The following ADAMTSL1 variants were observed in gnomAD, a reference collection of about 807,000 sequenced individuals.
The protein encoded by ADAMTSL1 is ADAMTS-like protein 1.
ADAMTSL1 carries 126 observed loss-of-function variants against 201.8 expected under a neutral mutation model. The ratio of observed to expected loss-of-function variants is 0.62; its 90% CI spans 0.54 to 0.72. ADAMTSL1 has a LOEUF of 0.72. Ranked by LOEUF, ADAMTSL1 falls within the 30% of genes least tolerant of loss-of-function variation. ADAMTSL1 has a pLI of 0.00. For synonymous variants in ADAMTSL1, 1,121 were observed against 903.4 expected, an observed-to-expected ratio of 1.24 and a Z score of -4.32; for missense variants, 2,679 against 2,277.8, an observed-to-expected ratio of 1.18 and a Z score of -3.59.
chr9:18,312,545 C>A (rs537208313), intron 2 of ADAMTSL1, among the ~76,000 whole-genome samples: 12 of 152,276 alleles, frequency 7.9e-5, no homozygotes, highest in African/African-American at 2.6e-4. Flanking sequence ...CATAACTTCA[C>A]CTGAGGTAGC....
At chr9:18,631,041 A>T (rs1271179494) in intron 5 of ADAMTSL1, among the ~76,000 whole-genome samples, 1 of 152,230 alleles carries the variant, frequency 6.6e-6, no homozygotes, top group Non-Finnish European at 1.5e-5. Context: ...CTATGTCAGG[A>T]TTATCGCCTG....
chr9:18,782,961 C>T (rs1467872008), intron 19 of ADAMTSL1, among the ~76,000 whole-genome samples: 11 of 152,088 alleles, frequency 7.2e-5, no homozygotes, highest in Non-Finnish European at 1.6e-4. Flanking sequence ...GGAAGGGGTT[C>T]GGGTTTTACA....
At position 18,613,833 on chromosome 9, in the gene ADAMTSL1, G is replaced by T. The variant is rs181525508; in HGVS notation, c.475-8410G>T. 1.3e-4 allele frequency among the ~76,000 whole-genome samples: 20 copies of T among 152,122 alleles called. 1 individual carries two copies. In the East Asian group the frequency reaches 3.9e-3, roughly 29 times the overall value. ...ATCTGTACAATATAGCCCACGACAC[G>T]CATATACCTATGTAACAAAGCTGCA... On this transcript the variant is annotated intron_variant, in intron 4 of 28. Coordinates refer to ENST00000380548, the MANE Select transcript of ADAMTSL1 (RefSeq NM_001040272.6).
At chr9:18,115,376 G>A (rs1452647289) in intron 1 of ADAMTSL1, among the ~76,000 whole-genome samples, 3 of 152,122 alleles carry the variant, frequency 2.0e-5, no homozygotes, top group Admixed American at 6.6e-5. Flanking sequence ...GACCTGGCAT[G>A]CCTCAGAAAC....
chr9:18,591,798 C>T (rs1162421179), intron 4 of ADAMTSL1, among the ~76,000 whole-genome samples: 4 of 152,136 alleles, frequency 2.6e-5, no homozygotes. Flanking sequence ...CATAAAAATT[C>T]ATGCTTCAGG....
intron 2 of ADAMTSL1, among the ~76,000 whole-genome samples, chr9:18,421,316 C>T (rs1191829878): frequency 6.6e-6 from 1 of 152,004 alleles, no homozygotes; most frequent in African/African-American, 2.4e-5. Context: ...ATTTATTGAA[C>T]ACCTATTTTA....
In ADAMTSL1 at chr9:18,183,706, G is replaced by A. The variant is rs376019341; in HGVS notation, c.207+19725G>A. On this transcript the variant is annotated intron_variant, in intron 2 of 29. Coordinates refer to the ADAMTSL1 transcript ENST00000680146. ...CTATTAGAATGGTCAAAATCCAAAC[G>A]CTGACATCATGCCACTCTAACTTAT... is the stretch of plus-strand genomic sequence containing the variant. Among the ~76,000 whole-genome samples the A allele has an allele frequency of 8.5e-5, 13 of 152,112 alleles. No individual in the cohort carries two copies. The East Asian group carries it at 1.4e-3, about 16-fold the overall frequency.
chr9:18,765,311 G>A (rs1012506977), intron 16 of ADAMTSL1, among the ~76,000 whole-genome samples: 5 of 152,184 alleles, frequency 3.3e-5, no homozygotes, highest in African/African-American at 1.2e-4. Flanking sequence ...AACTTTGGGA[G>A]CATGTTCTTT....
intron 4 of ADAMTSL1, among the ~76,000 whole-genome samples, chr9:18,597,911 C>T (rs1824370662): frequency 6.6e-6 from 1 of 152,158 alleles, no homozygotes; most frequent in Non-Finnish European, 1.5e-5. Context: ...CAGGAAAATC[C>T]ACCCAGGCCC....
intron 1 of ADAMTSL1, among the ~76,000 whole-genome samples, chr9:18,110,675 G>GGAGA (rs1340173917): frequency 6.6e-6 from 1 of 152,118 alleles, no homozygotes; most frequent in East Asian, 1.9e-4. Context: ...GCTCAGGCAT[G>GGAGA]GAGACTCTCT....
At chr9:18,185,918 T>C (rs1359682348) in intron 2 of ADAMTSL1, among the ~76,000 whole-genome samples, 1 of 152,182 alleles carries the variant, frequency 6.6e-6, no homozygotes. Context: ...GAACATGGAA[T>C]AGTTTGAGAA....
chr9:18,383,036 G>A (rs1305301048), intron 2 of ADAMTSL1, among the ~76,000 whole-genome samples: 1 of 152,160 alleles, frequency 6.6e-6, no homozygotes, highest in Non-Finnish European at 1.5e-5. Context: ...TTTAAATGAG[G>A]TAGAAGGGGA....
chr9:18,344,499 A>G (rs1244101097), intron 2 of ADAMTSL1, among the ~76,000 whole-genome samples: 7 of 152,066 alleles, frequency 4.6e-5, no homozygotes, highest in Non-Finnish European at 1.0e-4. Context: ...ATCTATATGT[A>G]TCTTTTAAAT....
At chr9:18,722,897 C>T in intron 15 of ADAMTSL1, 1 of 703,090 alleles carries the variant, frequency 1.4e-6, no homozygotes, top group Admixed American at 2.0e-5. Context: ...CGTTTTCTAT[C>T]CCTGCCCCAC....
chr9:18,422,188 C>T (rs564556465), intron 2 of ADAMTSL1, among the ~76,000 whole-genome samples: 2 of 152,246 alleles, frequency 1.3e-5, no homozygotes, highest in Admixed American at 6.5e-5. Flanking sequence ...GTCATACACA[C>T]ACACACACAC....
At chr9:17,988,721 G>A (rs1479256837) in intron 1 of ADAMTSL1, among the ~76,000 whole-genome samples, 1 of 151,894 alleles carries the variant, frequency 6.6e-6, no homozygotes, top group East Asian at 1.9e-4. Context: ...ATGTGTTACT[G>A]CTTTCAATTA....
chr9:18,052,632 C>A (rs1821989943), intron 1 of ADAMTSL1, among the ~76,000 whole-genome samples: 1 of 152,310 alleles, frequency 6.6e-6, no homozygotes, highest in East Asian at 1.9e-4. Flanking sequence ...TACCCCCTAA[C>A]AGTGTTGTCC....
chr9:17,953,551 A>G (rs1827810429), intron 1 of ADAMTSL1, among the ~76,000 whole-genome samples: 1 of 152,220 alleles, frequency 6.6e-6, no homozygotes, highest in South Asian at 2.1e-4. Context: ...GCAAAATAAT[A>G]AAAACAATCA....
chr9:18,739,215 C>A (rs1417570808), intron 15 of ADAMTSL1, among the ~76,000 whole-genome samples: 1 of 152,180 alleles, frequency 6.6e-6, no homozygotes, highest in Non-Finnish European at 1.5e-5. Flanking sequence ...TTGTTATCAT[C>A]CTTATTTTAT....
Sources: gnomAD v4.1 joint callset for allele counts (sites outside exome capture counted in the v4.1 genomes callset) on GRCh38, gnomAD v4.1.1 for gene constraint, MANE v1.5 for transcripts, NCBI Gene and HGNC (gene_info 2026-07-23, HGNC 2026-07-21) for gene names.